NAALADL2: variants seen among roughly 807,000 people sequenced by gnomAD.
NAALADL2 encodes the protein inactive N-acetylated-alpha-linked acidic dipeptidase-like protein 2.
A neutral mutation model predicts 87.2 loss-of-function variants in NAALADL2; 76 were observed. That is an observed-to-expected ratio of 0.87 (90% CI 0.72 to 1.05). The LOEUF is 1.05. Among genes scored for constraint, NAALADL2 ranks in the 50% least tolerant of loss-of-function variants. The probability of loss-of-function intolerance (pLI) is 0.00; values close to 1 mark genes in which losing one functional copy is unlikely to be tolerated. For missense variants in NAALADL2, 1,089 were observed against 945.8 expected (o/e 1.15, Z -1.99); for synonymous variants, 354 against 331.0 (o/e 1.07, Z -0.75).
intron 5 of NAALADL2, among the ~76,000 whole-genome samples, chr3:175,372,975 A>G (rs937421675): frequency 5.9e-5 from 9 of 152,204 alleles, no homozygotes; most frequent in African/African-American, 2.2e-4. Context: ...GTGGCCAGAC[A>G]GTGGTCATAC....
intron 5 of NAALADL2, among the ~76,000 whole-genome samples, chr3:175,350,056 A>G (rs76212621): frequency 2.1e-4 from 5 of 23,342 alleles, no homozygotes; most frequent in African/African-American, 6.4e-4. Flanking sequence ...GGCTTGATTG[A>G]AAAAAAAAAA....
intron 11 of NAALADL2, among the ~76,000 whole-genome samples, chr3:175,731,548 TG>T (rs1743752595): frequency 6.6e-6 from 1 of 152,216 alleles, no homozygotes; most frequent in Admixed American, 6.5e-5. Context: ...AAAGTTGTTC[TG>T]GTGTGCCTGA....
At chr3:174,957,601 A>T (rs1007282972) in intron 1 of NAALADL2, among the ~76,000 whole-genome samples, 8 of 146,456 alleles carry the variant, frequency 5.5e-5, no homozygotes, top group African/African-American at 2.0e-4. Context: ...TGGTAGGAGA[A>T]TTTTTTTTTT....
chr3:174,536,331 A>G (rs1721719689), intron 1 of NAALADL2, among the ~76,000 whole-genome samples: 1 of 152,156 alleles, frequency 6.6e-6, no homozygotes, highest in African/African-American at 2.4e-5. Context: ...TTTCATAGAG[A>G]TAACATTTTC....
At chr3:174,965,378 A>T (rs1742719650) in intron 1 of NAALADL2, among the ~76,000 whole-genome samples, 1 of 138,632 alleles carries the variant, frequency 7.2e-6, no homozygotes, top group Non-Finnish European at 1.5e-5. Context: ...CTTCTGTCCT[A>T]TTCTATTCGT....
intron 9 of NAALADL2, among the ~76,000 whole-genome samples, chr3:175,490,083 A>G (rs114064232): frequency 0.025 from 3,778 of 152,226 alleles, 71 homozygotes; most frequent in Non-Finnish European, 0.036. Flanking sequence ...TGATCAGTTC[A>G]TGGATGGACA....
chr3:175,034,424 C>T (rs928092665), intron 1 of NAALADL2, among the ~76,000 whole-genome samples: 1 of 152,038 alleles, frequency 6.6e-6, no homozygotes, highest in Non-Finnish European at 1.5e-5. Context: ...AACTCAACCT[C>T]TCATTAGAAA....
intron 5 of NAALADL2, among the ~76,000 whole-genome samples, chr3:175,425,092 A>T (rs1716551888): frequency 6.6e-6 from 1 of 152,188 alleles, no homozygotes. Context: ...GTATGAGGGA[A>T]AGTCACAGAT....
intron 1 of NAALADL2, among the ~76,000 whole-genome samples, chr3:174,522,873 G>T (rs578116642): frequency 1.9e-4 from 26 of 140,418 alleles, no homozygotes; most frequent in African/African-American, 6.3e-4. Context: ...GGCGGAGCTT[G>T]CAGTGAGCCG....
At chr3:175,017,573 G>A (rs1024987498) in intron 1 of NAALADL2, among the ~76,000 whole-genome samples, 7 of 151,902 alleles carry the variant, frequency 4.6e-5, no homozygotes, top group Non-Finnish European at 7.4e-5. Flanking sequence ...GAGTCAGCAG[G>A]CCTGTTTTTA....
At chr3:174,579,073 T>C (rs1335632274) in intron 2 of NAALADL2, among the ~76,000 whole-genome samples, 10 of 151,926 alleles carry the variant, frequency 6.6e-5, no homozygotes, top group Admixed American at 6.6e-4. Flanking sequence ...CCTTGAATGA[T>C]GGAAATGAAG....
chr3:175,769,082 T>C (rs1749131645), intron 13 of NAALADL2, among the ~76,000 whole-genome samples: 1 of 152,194 alleles, frequency 6.6e-6, no homozygotes, highest in Non-Finnish European at 1.5e-5. Flanking sequence ...TTCCTGATTC[T>C]CTTTTTAATC....
intron 11 of NAALADL2, among the ~76,000 whole-genome samples, chr3:175,699,726 G>T (rs1021579991): frequency 1.3e-5 from 2 of 151,230 alleles, no homozygotes; most frequent in African/African-American, 4.9e-5. Flanking sequence ...TATTTATTGA[G>T]TGCCACTGAG....
intron 3 of NAALADL2, among the ~76,000 whole-genome samples, chr3:174,779,429 A>G (rs888874819): frequency 5.3e-5 from 8 of 151,996 alleles, no homozygotes; most frequent in Non-Finnish European, 7.4e-5. Flanking sequence ...TAGATTGCCT[A>G]TTCACTCTGA....
At position 174,807,548 on chromosome 3, in the gene NAALADL2, C is replaced by T. The variant is rs758753792; in HGVS notation, c.-9+69802C>T. On this transcript the variant is annotated intron_variant, in intron 3 of 3. Coordinates refer to the NAALADL2 transcript ENST00000434257. The stretch of plus-strand genomic sequence containing the variant: ...TGTAATTTGCTTATTTGACATGTTG[C>T]CATGCTAATAGCTTCAGCACGTCTT... Among the ~76,000 whole-genome samples, 5 of 151,952 alleles carry T rather than the reference C, an allele frequency of 3.3e-5. No individual in the cohort carries two copies. The South Asian group carries it at 8.3e-4, about 25-fold the overall frequency.
At chr3:174,514,374 T>C (rs1208840834) in intron 1 of NAALADL2, among the ~76,000 whole-genome samples, 1 of 152,134 alleles carries the variant, frequency 6.6e-6, no homozygotes. Context: ...GAAAAAATGA[T>C]TATATAAAAA....
intron 2 of NAALADL2, among the ~76,000 whole-genome samples, chr3:174,561,276 T>G: frequency 6.6e-6 from 1 of 150,378 alleles, no homozygotes. Context: ...CTTGGCTCAC[T>G]GCAACCTCTG....
At chr3:175,410,502 A>T in intron 5 of NAALADL2, among the ~76,000 whole-genome samples, 1 of 152,144 alleles carries the variant, frequency 6.6e-6, no homozygotes, top group Non-Finnish European at 1.5e-5. Flanking sequence ...ACAGATGTTT[A>T]TGGAGGACTT....
chr3:175,052,449 G>T (rs1267325725), intron 1 of NAALADL2, among the ~76,000 whole-genome samples: 1 of 152,212 alleles, frequency 6.6e-6, no homozygotes. Context: ...AGGCAGCTTT[G>T]TCATGGTGAG....
Sources: allele counts gnomAD v4.1 joint callset (sites outside exome capture counted in the v4.1 genomes callset), GRCh38; gene constraint gnomAD v4.1.1; transcripts MANE v1.5; gene names NCBI Gene and HGNC (gene_info 2026-07-23, HGNC 2026-07-21).